WWOX: variants seen among roughly 807,000 people sequenced by gnomAD.
WWOX encodes the protein WW domain-containing oxidoreductase.
A neutral mutation model predicts 46.2 loss-of-function variants in WWOX; 69 were observed. The ratio of observed to expected loss-of-function variants is 1.49; its 90% CI spans 1.23 to 1.82. WWOX has a LOEUF of 1.82. Ranked by LOEUF, WWOX falls within the 40% of genes most tolerant of loss-of-function variation. WWOX has a pLI of 0.00. For synonymous variants in WWOX, 359 were observed against 202.6 expected, an observed-to-expected ratio of 1.77 and a Z score of -6.56; for missense variants, 919 against 542.6, an observed-to-expected ratio of 1.69 and a Z score of -6.89.
chr16:78,673,378 T>G (rs1277726652), intron 8 of WWOX, among the ~76,000 whole-genome samples: 2 of 152,284 alleles, frequency 1.3e-5, no homozygotes, highest in East Asian at 1.9e-4. Context: ...TAACACCACG[T>G]TTATTCTCCA....
chr16:78,659,541 A>AG (rs2047164260), intron 8 of WWOX, among the ~76,000 whole-genome samples: 1 of 152,008 alleles, frequency 6.6e-6, no homozygotes, highest in South Asian at 2.1e-4. Flanking sequence ...ATGCCAGATA[A>AG]GAAAAAAAAA....
intron 5 of WWOX, among the ~76,000 whole-genome samples, chr16:78,246,616 A>G (rs562354833): frequency 6.6e-6 from 1 of 152,362 alleles, no homozygotes; most frequent in Non-Finnish European, 1.5e-5. Flanking sequence ...AAGCAGAGTC[A>G]GGGAACAAGA....
intron 8 of WWOX, among the ~76,000 whole-genome samples, chr16:78,700,444 C>T (rs1035644214): frequency 6.6e-6 from 1 of 151,526 alleles, no homozygotes; most frequent in Non-Finnish European, 1.5e-5. Context: ...CTCCAAACAC[C>T]ATCTTATTGG....
At chr16:79,029,010 C>A (rs1241144468) in intron 8 of WWOX, among the ~76,000 whole-genome samples, 1 of 149,706 alleles carries the variant, frequency 6.7e-6, no homozygotes, top group Non-Finnish European at 1.5e-5. Flanking sequence ...AAAATAAGCA[C>A]AATACAAATT....
At chr16:78,848,879 T>A (rs1308459288) in intron 8 of WWOX, among the ~76,000 whole-genome samples, 1 of 152,222 alleles carries the variant, frequency 6.6e-6, no homozygotes, top group Non-Finnish European at 1.5e-5. Context: ...AAAAATCTAT[T>A]TAGCCCAGTT....
chr16:78,772,623 A>G (rs572252554), intron 8 of WWOX, among the ~76,000 whole-genome samples: 15 of 152,208 alleles, frequency 9.9e-5, no homozygotes, highest in Non-Finnish European at 1.5e-4. Flanking sequence ...GGTGATTGTT[A>G]TTACCAGCAT....
intron 6 of WWOX, among the ~76,000 whole-genome samples, chr16:78,388,061 A>T (rs778095159): frequency 6.6e-6 from 1 of 152,142 alleles, no homozygotes; most frequent in South Asian, 2.1e-4. Flanking sequence ...TTCTCCTTGC[A>T]TGGCTGTGTC....
At chr16:78,946,886 C>G (rs1434073383) in intron 8 of WWOX, among the ~76,000 whole-genome samples, 2 of 152,048 alleles carry the variant, frequency 1.3e-5, no homozygotes, top group South Asian at 2.1e-4. Context: ...GGACATCACA[C>G]GATGACCTTC....
intron 8 of WWOX, among the ~76,000 whole-genome samples, chr16:78,933,783 C>A (rs2045674481): frequency 6.6e-6 from 1 of 152,128 alleles, no homozygotes; most frequent in Admixed American, 6.5e-5. Context: ...GAAAATCCTG[C>A]ACCCGTAATT....
At chr16:79,175,689 G>T (rs1452188859) in intron 8 of WWOX, among the ~76,000 whole-genome samples, 2 of 152,152 alleles carry the variant, frequency 1.3e-5, no homozygotes, top group African/African-American at 4.8e-5. Context: ...TTAGAGGCAG[G>T]CCTGTGTGCC....
At chr16:78,323,826 T>G (rs1363156693) in intron 5 of WWOX, among the ~76,000 whole-genome samples, 1 of 152,216 alleles carries the variant, frequency 6.6e-6, no homozygotes, top group Non-Finnish European at 1.5e-5. Context: ...TAGAGCTTTT[T>G]GAGCCTAAAA....
intron 5 of WWOX, chr16:78,278,703 ATCT>A (rs1422102635): frequency 6.5e-7 from 1 of 1,547,958 alleles, no homozygotes; most frequent in Non-Finnish European, 8.9e-7. Context: ...CATCAATTAC[ATCT>A]TCTTTTGTGG....
At chr16:78,927,102 C>A (rs1597160985) in intron 8 of WWOX, among the ~76,000 whole-genome samples, 2 of 152,192 alleles carry the variant, frequency 1.3e-5, no homozygotes, top group Non-Finnish European at 2.9e-5. Flanking sequence ...TGCCCAGGCA[C>A]CATTCTTGAC....
At chr16:78,861,845 G>T (rs1172198779) in intron 8 of WWOX, among the ~76,000 whole-genome samples, 8 of 152,166 alleles carry the variant, frequency 5.3e-5, no homozygotes, top group Non-Finnish European at 1.2e-4. Context: ...AATACACCAT[G>T]TTTCCAGGCC....
At chr16:79,104,926 C>T (rs1597379689) in intron 8 of WWOX, among the ~76,000 whole-genome samples, 1 of 152,188 alleles carries the variant, frequency 6.6e-6, no homozygotes, top group Admixed American at 6.5e-5. Context: ...GCTAATTACT[C>T]AGGAGCAAAG....
chr16:78,426,198 A>G (rs1270536502), intron 7 of WWOX, among the ~76,000 whole-genome samples: 3 of 152,216 alleles, frequency 2.0e-5, no homozygotes, highest in Admixed American at 2.0e-4. Context: ...ATCTTTGCAA[A>G]TCACACCAGG....
intron 8 of WWOX, among the ~76,000 whole-genome samples, chr16:79,025,389 G>A (rs986825838): frequency 6.6e-6 from 1 of 152,204 alleles, no homozygotes; most frequent in Admixed American, 6.5e-5. Flanking sequence ...TTCAGTTGAG[G>A]ATCTCAAAAC....
intron 8 of WWOX, among the ~76,000 whole-genome samples, chr16:78,862,483 T>C (rs1224655969): frequency 2.0e-5 from 3 of 151,904 alleles, no homozygotes; most frequent in Non-Finnish European, 2.9e-5. Context: ...CACAAGTGCA[T>C]ACACACACAC....
At chr16:78,623,054 G>A (rs1274196937) in intron 8 of WWOX, among the ~76,000 whole-genome samples, 1 of 151,960 alleles carries the variant, frequency 6.6e-6, no homozygotes, top group African/African-American at 2.4e-5. Flanking sequence ...AGCAACCTAA[G>A]GGAGCTTGAA....
Sources: allele counts gnomAD v4.1 joint callset (sites outside exome capture counted in the v4.1 genomes callset), GRCh38; gene constraint gnomAD v4.1.1; transcripts MANE v1.5; gene names NCBI Gene and HGNC (gene_info 2026-07-23, HGNC 2026-07-21).